The following MYDGF variants were observed in gnomAD, a reference collection of about 807,000 sequenced individuals.
MYDGF encodes the protein myeloid-derived growth factor.
MYDGF carries 29 observed loss-of-function variants against 24.2 expected under a neutral mutation model. That is an observed-to-expected ratio of 1.20 (90% confidence interval 0.89 to 1.63). MYDGF has a LOEUF of 1.63. MYDGF is among the 40% of genes most tolerant of loss of function. MYDGF has a pLI of 0.00. For missense variants in MYDGF, 245 were observed against 234.8 expected, an observed-to-expected ratio of 1.04 and a Z score of -0.29; for synonymous variants, 105 against 102.5, an observed-to-expected ratio of 1.02 and a Z score of -0.15.
Position 4,657,903 on chromosome 19 carries a change from AGTCCCT to A in MYDGF, c.*96_*101del. ...CGTCAGCCCAGGTAGAAAACTTAAG[AGTCCCT>A]CCTAGAAAACCAGTGATGTGCTGGC... On this transcript the variant is annotated 3_prime_UTR_variant, in exon 6 of 6. Transcript: ENST00000262947. 1 of 1,105,580 alleles carries A rather than the reference AGTCCCT, an allele frequency of 9.0e-7. No homozygotes were observed. Among genetic ancestry groups the A allele is most frequent in the Non-Finnish European group, 1.3e-6 (1 of 783,952 alleles). The allele number at this position is 1,105,580 out of a possible 1,614,324, so 68.5% of individuals were successfully genotyped here.
chr19:4,658,620 T>C (rs1392673159), intron 5 of MYDGF, among the ~76,000 whole-genome samples: 1 of 152,048 alleles, frequency 6.6e-6, no homozygotes, highest in African/African-American at 2.4e-5. Flanking sequence ...GATTCCTCTT[T>C]CTGCTTAGCA....
chr19:4,658,191 G>A (rs2088438448), intron 5 of MYDGF, 107 bp from the exon 6 acceptor site: 1 of 907,978 alleles, frequency 1.1e-6, no homozygotes, highest in Non-Finnish European at 1.7e-6. Context: ...AAGGGGAGCA[G>A]TCTCCAAAGC....
Position 4,663,552 on chromosome 19 carries a change from C to T in MYDGF, c.287+1324G>A, listed in dbSNP as rs59870078. On this transcript the variant is annotated intron_variant, in intron 3 of 5. Transcript: ENST00000262947. ...TCTACACAGCCTCCAATCTATCCTC[C>T]CCACCCACCCCACCCTCATTCTACA... 3.1e-4 allele frequency among the ~76,000 whole-genome samples: 6 copies of T among 19,488 alleles called. 1 individual carries two copies. Among genetic ancestry groups the T allele is most frequent in the African/African-American group, 1.8e-4 (1 of 5,564 alleles). The allele number at this position is 19,488 out of a possible 152,430, so 12.8% of individuals were successfully genotyped here. A position where few individuals can be genotyped will look rare whatever the true frequency, so the allele number is the denominator to read the frequency against.
chr19:4,664,899 C>CTGG lies in MYDGF; in HGVS notation c.261_263dup (p.His87dup), dbSNP rs2088508934. ...ACCTCCAGATGGTGCAGGTGAAGTG[C>CTGG]TGGTGGTCTTCGCTGGTCCCCAGAC... is the stretch of plus-strand genomic sequence containing the variant. On this transcript the variant is annotated inframe_insertion, in exon 3 of 6. Transcript: ENST00000262947. The CTGG allele has an allele frequency of 6.2e-7, 1 of 1,612,920 alleles. No individual in the cohort carries two copies. The highest frequency in any genetic ancestry group is 1.3e-5 in the African/African-American group (1 of 74,930).
At chr19:4,659,907 T>C (rs564154369) in intron 5 of MYDGF, 24 bp downstream of exon 5, 3 of 1,607,918 alleles carry the variant, frequency 1.9e-6, no homozygotes, top group Admixed American at 1.7e-5. Context: ...GCGTCACCTC[T>C]ACCCCATCCC....
At chr19:4,665,737 C>G (rs940956871) in intron 2 of MYDGF, among the ~76,000 whole-genome samples, 1 of 139,766 alleles carries the variant, frequency 7.2e-6, no homozygotes, top group Non-Finnish European at 1.5e-5. Context: ...AGGAGAATGG[C>G]GTGTACCCGG....
At chr19:4,669,193 G>C (rs1043913810) in intron 1 of MYDGF, among the ~76,000 whole-genome samples, 2 of 152,142 alleles carry the variant, frequency 1.3e-5, no homozygotes, top group African/African-American at 4.8e-5. Context: ...CAACAAACTG[G>C]CCTGGCACAG....
chr19:4,667,635 C>G (rs192247879), intron 2 of MYDGF, among the ~76,000 whole-genome samples: 2 of 152,100 alleles, frequency 1.3e-5, no homozygotes, highest in East Asian at 3.9e-4. Context: ...GAAACCGGGA[C>G]CTTGGTCCCT....
At position 4,660,762 on chromosome 19, in the gene MYDGF, G is replaced by C; in HGVS notation, c.288-12C>G. 1.9e-6 allele frequency: 3 copies of C among 1,611,516 alleles called. No individual in the cohort carries two copies. The highest frequency in any genetic ancestry group is 2.7e-5 in the African/African-American group (2 of 74,960). On this transcript the variant is annotated splice_polypyrimidine_tract_variant and intron_variant, in intron 3 of 5. Transcript: ENST00000262947. ...ACTTCCCCTGGGGCCTGCAGAGGAAGAGGGGGCGAGGGAGTCAGGCCAGGC... is the reference window on the plus strand; with the variant it reads ...ACTTCCCCTGGGGCCTGCAGAGGAACAGGGGGCGAGGGAGTCAGGCCAGGC...
chr19:4,661,744 C>T (rs918751636), intron 3 of MYDGF, among the ~76,000 whole-genome samples: 74 of 152,124 alleles, frequency 4.9e-4, no homozygotes, highest in African/African-American at 1.8e-3. Flanking sequence ...CTGCCAACAG[C>T]CCTGGTCAGG....
intron 3 of MYDGF, among the ~76,000 whole-genome samples, chr19:4,661,404 C>T (rs556702052): frequency 1.4e-4 from 21 of 152,214 alleles, no homozygotes; most frequent in South Asian, 6.2e-4. Context: ...CCAGGTACTA[C>T]GACGGGGGCT....
intron 2 of MYDGF, among the ~76,000 whole-genome samples, chr19:4,668,335 C>T (rs534228637): frequency 2.6e-5 from 4 of 152,296 alleles, no homozygotes; most frequent in African/African-American, 9.6e-5. Flanking sequence ...AACATCCCAA[C>T]AGATGCTCAT....
intron 4 of MYDGF, 151 bp downstream of exon 4, chr19:4,660,518 A>C: frequency 1.5e-6 from 1 of 673,654 alleles, no homozygotes; most frequent in Non-Finnish European, 2.5e-6. Context: ...TCTGTGTGCC[A>C]GGTTCCTGCA....
At chr19:4,668,707 G>T in intron 1 of MYDGF, 62 bp from the exon 2 acceptor site, 2 of 1,455,298 alleles carry the variant, frequency 1.4e-6, no homozygotes, top group Non-Finnish European at 9.6e-7. Flanking sequence ...TTTAAGAGAC[G>T]GGGTCTTGCT....
rs111943446 is a variant in MYDGF at position 4,668,727 on chromosome 19, G to A, written c.175-82C>T. Reference sequence around the variant, plus strand: ...GAGACGGGGTCTTGCTGTCACCCAAGCTGGAGTGCAGGGGCACAATGACAG... The same window carrying A: ...GAGACGGGGTCTTGCTGTCACCCAAACTGGAGTGCAGGGGCACAATGACAG... On this transcript the variant is annotated intron_variant, in intron 1 of 5. Transcript: ENST00000262947. 1.1e-4 allele frequency: 133 copies of A among 1,235,508 alleles called. 3 individuals are homozygous for A. The African/African-American group carries it at 1.3e-3, about 12-fold the overall frequency. 76.5% of individuals were successfully genotyped at this position (1,235,508 alleles called of 1,614,324 possible). A position where few individuals can be genotyped will look rare whatever the true frequency, so the allele number is the denominator to read the frequency against.
chr19:4,661,640 G>T (rs1293475729), intron 3 of MYDGF, among the ~76,000 whole-genome samples: 1 of 152,046 alleles, frequency 6.6e-6, no homozygotes, highest in East Asian at 1.9e-4. Context: ...GGCAGCAGGG[G>T]GGCCATTTCT....
intron 5 of MYDGF, among the ~76,000 whole-genome samples, chr19:4,658,805 T>A (rs927012253): frequency 3.3e-5 from 5 of 152,158 alleles, no homozygotes; most frequent in Non-Finnish European, 7.3e-5. Context: ...TTTTTTAAAA[T>A]TTATTATTTT....
intron 2 of MYDGF, 23 bp from the exon 3 acceptor site, chr19:4,664,960 G>T (rs2088509489): frequency 6.2e-7 from 1 of 1,610,544 alleles, no homozygotes; most frequent in Non-Finnish European, 8.5e-7. Context: ...GACAGCGCGG[G>T]TCAGCCCCGG....
At position 4,657,597 on chromosome 19, in the gene MYDGF, CCCAGTT is replaced by C. The variant is rs767099531; in HGVS notation, c.*402_*407del. ...AATATGAAAAAACATTTCATCTCTT[CCCAGTT>C]CATCTGAAAGGAGGTCCCCTGGGTA... On this transcript the variant is annotated 3_prime_UTR_variant, in exon 6 of 6. Transcript: ENST00000262947. The C allele has an allele frequency of 1.9e-5, 3 of 158,718 alleles. No homozygotes were observed. Among genetic ancestry groups the C allele is most frequent in the Non-Finnish European group, 2.8e-5 (2 of 72,464 alleles). 9.8% of individuals were successfully genotyped at this position (158,718 alleles called of 1,614,324 possible).
Sources: gnomAD v4.1 joint callset for allele counts (sites outside exome capture counted in the v4.1 genomes callset) on GRCh38, gnomAD v4.1.1 for gene constraint, MANE v1.5 for transcripts, NCBI Gene and HGNC (gene_info 2026-07-23, HGNC 2026-07-21) for gene names.